The following TRPM3 variants were observed in gnomAD, a reference collection of about 807,000 sequenced individuals.
TRPM3 encodes the protein transient receptor potential cation channel subfamily M member 3, also known as long transient receptor potential channel 3.
A neutral mutation model predicts 181.2 loss-of-function variants in TRPM3; 77 were observed. The ratio of observed to expected loss-of-function variants is 0.42; its 90% confidence interval spans 0.35 to 0.51. The LOEUF is 0.51. Ranked by LOEUF, TRPM3 falls within the 20% of genes least tolerant of loss-of-function variation. TRPM3 has a pLI of 0.01. For synonymous variants in TRPM3, 745 were observed against 796.4 expected (o/e 0.94, Z 1.09); for missense variants, 1,759 against 2,196.7 (o/e 0.80, Z 3.98).
intron 1 of TRPM3, among the ~76,000 whole-genome samples, chr9:71,233,174 C>T (rs2081170589): frequency 6.6e-6 from 1 of 152,144 alleles, no homozygotes; most frequent in Non-Finnish European, 1.5e-5. Context: ...CTAATAAACC[C>T]AATAAGGATA....
chr9:71,390,001 A>G (rs933999674), intron 1 of TRPM3, among the ~76,000 whole-genome samples: 3 of 152,156 alleles, frequency 2.0e-5, no homozygotes, highest in Non-Finnish European at 4.4e-5. Flanking sequence ...AAAATATTTC[A>G]GAACATTAGT....
chr9:70,932,990 A>T (rs950367392), intron 1 of TRPM3, among the ~76,000 whole-genome samples: 1 of 152,144 alleles, frequency 6.6e-6, no homozygotes, highest in African/African-American at 2.4e-5. Flanking sequence ...TAATTTCAGT[A>T]AGATTTGATG....
At chr9:70,885,695 G>C (rs995067738) in intron 1 of TRPM3, among the ~76,000 whole-genome samples, 1 of 152,110 alleles carries the variant, frequency 6.6e-6, no homozygotes, top group Non-Finnish European at 1.5e-5. Context: ...CCAAAGCTAA[G>C]CTCAAAATCC....
chr9:71,338,452 A>G (rs942223251), intron 1 of TRPM3, among the ~76,000 whole-genome samples: 6 of 152,176 alleles, frequency 3.9e-5, no homozygotes. Flanking sequence ...AGTCTAGAGA[A>G]AAGTCAGCAG....
chr9:70,937,509 CA>C (rs1421833627), intron 1 of TRPM3, among the ~76,000 whole-genome samples: 1 of 152,030 alleles, frequency 6.6e-6, no homozygotes, highest in African/African-American at 2.4e-5. Context: ...AAAGAGTATC[CA>C]AAATTACTGA....
At chr9:71,093,500 T>C (rs1406354120) in intron 1 of TRPM3, among the ~76,000 whole-genome samples, 1 of 152,134 alleles carries the variant, frequency 6.6e-6, no homozygotes, top group African/African-American at 2.4e-5. Flanking sequence ...TTATCAGCAC[T>C]GGTCATTAGT....
At chr9:70,596,455 G>C (rs2059035731) in intron 21 of TRPM3, among the ~76,000 whole-genome samples, 1 of 152,156 alleles carries the variant, frequency 6.6e-6, no homozygotes, top group East Asian at 1.9e-4. Context: ...ACATCAGCCA[G>C]GCATGGTGGC....
intron 1 of TRPM3, among the ~76,000 whole-genome samples, chr9:71,326,065 T>C (rs2089660568): frequency 6.6e-6 from 1 of 152,206 alleles, no homozygotes; most frequent in Non-Finnish European, 1.5e-5. Flanking sequence ...CCAAATTTAG[T>C]AATACTTGCC....
At chr9:70,799,089 G>C (rs1477084226) in intron 6 of TRPM3, among the ~76,000 whole-genome samples, 1 of 152,168 alleles carries the variant, frequency 6.6e-6, no homozygotes, top group East Asian at 1.9e-4. Context: ...GGTCACCAGG[G>C]AGAAAACATT....
chr9:71,147,934 T>G (rs760633838), intron 1 of TRPM3, among the ~76,000 whole-genome samples: 13 of 152,076 alleles, frequency 8.5e-5, no homozygotes, highest in Non-Finnish European at 1.3e-4. Flanking sequence ...CCTCTCTACC[T>G]TCACAAAAAT....
chr9:71,337,341 G>T (rs889811076), intron 1 of TRPM3, among the ~76,000 whole-genome samples: 1 of 152,122 alleles, frequency 6.6e-6, no homozygotes, highest in African/African-American at 2.4e-5. Flanking sequence ...ATCATCACTG[G>T]TCATTAGAGA....
chr9:70,877,551 T>C (rs527551027), intron 1 of TRPM3, among the ~76,000 whole-genome samples: 2 of 152,082 alleles, frequency 1.3e-5, no homozygotes, highest in East Asian at 3.9e-4. Flanking sequence ...TAATGTGATT[T>C]ATTCTAAGAT....
chr9:70,953,425 A>T (rs2097026920), intron 1 of TRPM3, among the ~76,000 whole-genome samples: 1 of 152,196 alleles, frequency 6.6e-6, no homozygotes, highest in Non-Finnish European at 1.5e-5. Context: ...AAATAAATAC[A>T]GTTAAAGTAA....
At chr9:71,216,363 T>C (rs1437912034) in intron 1 of TRPM3, among the ~76,000 whole-genome samples, 2 of 152,242 alleles carry the variant, frequency 1.3e-5, no homozygotes, top group Non-Finnish European at 2.9e-5. Context: ...GTCTAGTTCA[T>C]GGTGAGAGGC....
intron 1 of TRPM3, among the ~76,000 whole-genome samples, chr9:71,021,550 T>C (rs1286968922): frequency 6.6e-6 from 1 of 152,224 alleles, no homozygotes; most frequent in Non-Finnish European, 1.5e-5. Flanking sequence ...GAGATCTTTT[T>C]CAATTTTAAA....
At chr9:71,409,992 C>G (rs1403659822) in intron 1 of TRPM3, among the ~76,000 whole-genome samples, 1 of 152,168 alleles carries the variant, frequency 6.6e-6, no homozygotes, top group Admixed American at 6.5e-5. Context: ...ACTGAACAAC[C>G]TGCTCCTGAA....
At chr9:70,675,438 A>G (rs1392458800) in intron 9 of TRPM3, among the ~76,000 whole-genome samples, 1 of 152,202 alleles carries the variant, frequency 6.6e-6, no homozygotes, top group Non-Finnish European at 1.5e-5. Context: ...CAAATTTACA[A>G]ATGGATATAT....
At chr9:71,330,722 G>C (rs1371471022) in intron 1 of TRPM3, among the ~76,000 whole-genome samples, 2 of 151,804 alleles carry the variant, frequency 1.3e-5, no homozygotes, top group African/African-American at 4.8e-5. Flanking sequence ...AGAGAGAAGA[G>C]ATAAGGGGAA....
chr9:70,680,144 T>A (rs555762383), intron 9 of TRPM3, among the ~76,000 whole-genome samples: 1 of 152,180 alleles, frequency 6.6e-6, no homozygotes, highest in African/African-American at 2.4e-5. Context: ...GTCAGAGGGG[T>A]CACATGGTAT....
Sources: allele counts gnomAD v4.1 joint callset (sites outside exome capture counted in the v4.1 genomes callset), GRCh38; gene constraint gnomAD v4.1.1; transcripts MANE v1.5; gene names NCBI Gene and HGNC (gene_info 2026-07-23, HGNC 2026-07-21).